The following ZFP62 variants were observed in gnomAD, a reference collection of about 807,000 sequenced individuals.
ZFP62 encodes zinc finger protein 62 homolog.
In ZFP62, 44 loss-of-function variants were observed where a neutral mutation model predicts 56.4. The observed-to-expected ratio is 0.78, with a 90% confidence interval of 0.61 to 1.00. ZFP62 has a LOEUF of 1.00. Among genes scored for constraint, ZFP62 ranks in the 50% least tolerant of loss-of-function variants. ZFP62 has a pLI of 0.00. For missense variants in ZFP62, 1,030 were observed against 1,085.7 expected (o/e 0.95, Z 0.72); for synonymous variants, 421 against 388.9 (o/e 1.08, Z -0.97).
intron 1 of ZFP62, among the ~76,000 whole-genome samples, chr5:180,854,903 G>A (rs1433362289): frequency 1.3e-5 from 2 of 152,180 alleles, no homozygotes; most frequent in Non-Finnish European, 2.9e-5. Flanking sequence ...TCCTGACCTT[G>A]ACTGGATCTG....
chr5:180,839,210 G>A, the ZFP62 span, among the ~76,000 whole-genome samples: 2 of 152,156 alleles, frequency 1.3e-5, no homozygotes, highest in Non-Finnish European at 2.9e-5. Flanking sequence ...AGAAGCAAAA[G>A]CACTCATATA....
downstream of ZFP62, among the ~76,000 whole-genome samples, chr5:180,845,061 G>A (rs1282710758): frequency 6.6e-6 from 1 of 152,104 alleles, no homozygotes; most frequent in Non-Finnish European, 1.5e-5. Flanking sequence ...GTAGCCTGTG[G>A]TGGTTCAGGC....
At chr5:180,858,279 GAA>G (rs1345418139) in intron 1 of ZFP62, among the ~76,000 whole-genome samples, 1 of 108,186 alleles carries the variant, frequency 9.2e-6, no homozygotes, top group East Asian at 2.8e-4. Context: ...AAAAAAAAAA[GAA>G]AAAAAGAAAA....
In ZFP62 at chr5:180,850,510, T is replaced by C; in HGVS notation, c.985A>G (p.Ser329Gly). The C allele has an allele frequency of 6.4e-7, 1 of 1,552,964 alleles. No homozygotes were observed. Among genetic ancestry groups the C allele is most frequent in the Non-Finnish European group, 8.7e-7 (1 of 1,147,672 alleles). Reference sequence around the variant, plus strand: ...TAGGGTTTATCTCCAAAGTGGATGCTTTTATGGTTGAGAAGTGTTCTACAA... The same window carrying C: ...TAGGGTTTATCTCCAAAGTGGATGCCTTTATGGTTGAGAAGTGTTCTACAA... Reference protein sequence around the residue: ...ITCRTLLNHKSIHFGDKPYKC... With the variant: ...ITCRTLLNHKGIHFGDKPYKC... Residue 329 changes from serine (S) to glycine (G), a missense_variant, in exon 2 of 2, where the codon AGC becomes GGC. Transcript: ENST00000502412.
At chr5:180,833,770 A>G in the ZFP62 span, among the ~76,000 whole-genome samples, 2 of 149,646 alleles carry the variant, frequency 1.3e-5, no homozygotes, top group Non-Finnish European at 3.0e-5. Context: ...TCCCGGGTTC[A>G]AGCGATTCTC....
chr5:180,840,275 C>T, the ZFP62 span, among the ~76,000 whole-genome samples: 5 of 152,162 alleles, frequency 3.3e-5, no homozygotes, highest in East Asian at 9.7e-4. Context: ...ATGCACTGGC[C>T]GTGAAAAGGG....
chr5:180,834,081 A>G, the ZFP62 span, among the ~76,000 whole-genome samples: 1 of 152,184 alleles, frequency 6.6e-6, no homozygotes, highest in Non-Finnish European at 1.5e-5. Context: ...TGATGGTAAC[A>G]GGAAGTGGGA....
At chr5:180,854,174 G>A (rs1773853459) in intron 1 of ZFP62, among the ~76,000 whole-genome samples, 1 of 152,130 alleles carries the variant, frequency 6.6e-6, no homozygotes, top group South Asian at 2.1e-4. Context: ...GCTGATTGCA[G>A]GCTGAAAGCA....
chr5:180,860,837 T>C (rs1255086988), intron 1 of ZFP62: 1 of 264,114 alleles, frequency 3.8e-6, no homozygotes, highest in Admixed American at 5.4e-5. Flanking sequence ...AAATGGTGGG[T>C]ATTTTGAAGC....
chr5:180,854,953 G>A (rs1452161324), intron 1 of ZFP62, among the ~76,000 whole-genome samples: 1 of 152,156 alleles, frequency 6.6e-6, no homozygotes, highest in East Asian at 1.9e-4. Flanking sequence ...AATTACATCA[G>A]CTGAAAAAGT....
chr5:180,835,083 A>G, the ZFP62 span: 4 of 152,294 alleles, frequency 2.6e-5, no homozygotes, highest in Non-Finnish European at 4.4e-5. Context: ...AAATGGTAGC[A>G]TGGCTTGGTC....
At chr5:180,844,902 C>A (rs2113661590), downstream of ZFP62, among the ~76,000 whole-genome samples, 1 of 152,318 alleles carries the variant, frequency 6.6e-6, no homozygotes. Flanking sequence ...GGCCACCACA[C>A]TTCAGACTTA....
chr5:180,829,691 CAGA>C, the ZFP62 span, among the ~76,000 whole-genome samples: 3 of 152,168 alleles, frequency 2.0e-5, no homozygotes, highest in Non-Finnish European at 4.4e-5. Context: ...GACCATTTTA[CAGA>C]AGAATTGGTT....
At chr5:180,841,149 T>TGTA in the ZFP62 span, among the ~76,000 whole-genome samples, 4 of 152,106 alleles carry the variant, frequency 2.6e-5, no homozygotes, top group African/African-American at 9.7e-5. Flanking sequence ...GCTAACCTCT[T>TGTA]GTATCCCAGA....
chr5:180,859,524 G>A (rs1051150799), intron 1 of ZFP62, among the ~76,000 whole-genome samples: 1 of 152,192 alleles, frequency 6.6e-6, no homozygotes, highest in Non-Finnish European at 1.5e-5. Flanking sequence ...ATAGAAATAA[G>A]AATGAAAGGT....
At chr5:180,845,844 T>G (rs563707042), downstream of ZFP62, 5 of 985,468 alleles carry the variant, frequency 5.1e-6, no homozygotes, top group Admixed American at 1.2e-4. Flanking sequence ...AGGATTGGTG[T>G]TCAGTACCGT....
chr5:180,851,577 A>C, intron 1 of ZFP62, 84 bp from the exon 2 acceptor site: 7 of 1,384,802 alleles, frequency 5.1e-6, no homozygotes, highest in Admixed American at 2.8e-5. Flanking sequence ...AACAACATTC[A>C]CTTGACAAAC....
chr5:180,858,264 AAAAAAAAAAAAAAAG>A (rs1166680852), intron 1 of ZFP62, among the ~76,000 whole-genome samples: 64 of 141,728 alleles, frequency 4.5e-4, no homozygotes, highest in Middle Eastern at 3.6e-3. Flanking sequence ...TCTCAAAAAA[AAAAAAAAAAAAAAAG>A]AAAAAAAGAA....
At chr5:180,861,132 C>A (rs1053175681) in intron 1 of ZFP62, 87 bp downstream of exon 1, 110 of 398,828 alleles carry the variant, frequency 2.8e-4, no homozygotes, top group Non-Finnish European at 4.3e-4. Context: ...CCGAGACCCG[C>A]GGAGCAGCCA....
Sources: allele counts gnomAD v4.1 joint callset (sites outside exome capture counted in the v4.1 genomes callset), GRCh38; gene constraint gnomAD v4.1.1; transcripts MANE v1.5; gene names NCBI Gene and HGNC (gene_info 2026-07-23, HGNC 2026-07-21).